PROS1: variants seen among roughly 807,000 people sequenced by gnomAD.
PROS1 encodes the protein protein S.
PROS1 carries 29 observed loss-of-function variants against 75.9 expected under a neutral mutation model. The observed-to-expected ratio is 0.38, with a 90% CI of 0.28 to 0.52. The LOEUF (loss-of-function observed/expected upper bound fraction) is 0.52, where lower values mean the gene tolerates loss of function less well. Among genes scored for constraint, PROS1 ranks in the 20% least tolerant of loss-of-function variants. PROS1 has a pLI of 0.83. For missense variants in PROS1, 680 were observed against 810.3 expected (o/e 0.84, Z 1.95); for synonymous variants, 245 against 280.6 (o/e 0.87, Z 1.27).
intron 2 of PROS1, among the ~76,000 whole-genome samples, chr3:93,926,357 C>A (rs957649339): frequency 3.3e-5 from 5 of 152,114 alleles, no homozygotes. Flanking sequence ...GTGGGCCGGG[C>A]GCAGTGGCTC....
At chr3:93,883,048 TGA>T (rs1339076749) in intron 12 of PROS1, among the ~76,000 whole-genome samples, 2 of 152,126 alleles carry the variant, frequency 1.3e-5, no homozygotes, top group Non-Finnish European at 2.9e-5. Flanking sequence ...CCCCTACTGA[TGA>T]GAGTCAGGGA....
At chr3:93,946,998 G>T (rs1709412858) in intron 1 of PROS1, among the ~76,000 whole-genome samples, 1 of 152,160 alleles carries the variant, frequency 6.6e-6, no homozygotes, top group Non-Finnish European at 1.5e-5. Flanking sequence ...CTATCAAAAA[G>T]TGGGCAAAGG....
intron 11 of PROS1, 101 bp downstream of exon 11, chr3:93,886,234 TA>T (rs1708344462): frequency 2.7e-6 from 3 of 1,116,334 alleles, no homozygotes; most frequent in Middle Eastern, 2.1e-4. Flanking sequence ...TTAGTATGCT[TA>T]ACAAAACAAC....
intron 4 of PROS1, among the ~76,000 whole-genome samples, chr3:93,906,487 G>A (rs183277479): frequency 7.9e-5 from 12 of 152,280 alleles, no homozygotes; most frequent in Middle Eastern, 3.4e-3. Context: ...TCGTGGCTCC[G>A]GACCCGGGTG....
rs188982718 is a variant in PROS1 at position 93,939,548 on chromosome 3, C to G, written c.77-12141G>C. Among the ~76,000 whole-genome samples the G allele has an allele frequency of 2.0e-5, 3 of 152,290 alleles. No individual in the cohort carries two copies. In the East Asian group the frequency reaches 5.8e-4, roughly 29 times the overall value. On this transcript the variant is annotated intron_variant, in intron 1 of 14. Coordinates refer to ENST00000394236, the MANE Select transcript of PROS1 (RefSeq NM_000313.4). ...CCTTCCTTACACCTGCTCTGGCTTA[C>G]AGTTTCATTCTGAGACTAGCCCTCC...
At chr3:93,893,556 TTTTTGC>T (rs953240365) in intron 9 of PROS1, among the ~76,000 whole-genome samples, 5 of 152,296 alleles carry the variant, frequency 3.3e-5, no homozygotes, top group African/African-American at 1.2e-4. Context: ...TTTGTTTTTG[TTTTTGC>T]TGTATCCATA....
intron 9 of PROS1, among the ~76,000 whole-genome samples, chr3:93,895,741 G>A (rs1708493353): frequency 6.6e-6 from 1 of 152,056 alleles, no homozygotes; most frequent in Admixed American, 6.6e-5. Context: ...CACCTGAGGT[G>A]ATCACCTGAG....
intron 10 of PROS1, among the ~76,000 whole-genome samples, chr3:93,890,255 T>C (rs1465397764): frequency 6.6e-6 from 1 of 152,210 alleles, no homozygotes; most frequent in Non-Finnish European, 1.5e-5. Flanking sequence ...TTCTGTTGTT[T>C]AAGATGTTTA....
intron 12 of PROS1, among the ~76,000 whole-genome samples, chr3:93,881,692 TG>T (rs1218280202): frequency 6.6e-6 from 1 of 151,800 alleles, no homozygotes; most frequent in Non-Finnish European, 1.5e-5. Flanking sequence ...CCTGAGTAGC[TG>T]GGACTACAGG....
chr3:93,928,714 A>G, intron 1 of PROS1: 1 of 1,274,022 alleles, frequency 7.8e-7, no homozygotes. Flanking sequence ...CATATAGAAT[A>G]GAAAAAATTG....
Position 93,874,234 on chromosome 3 carries a change from G to T in PROS1, c.*11C>A, listed in dbSNP as rs556217785. On this transcript the variant is annotated 3_prime_UTR_variant, in exon 15 of 15. Coordinates refer to ENST00000394236, the MANE Select transcript of PROS1 (RefSeq NM_000313.4). ...ACAAGGAAAAGGTATTATAAGCAGA[G>T]AAAAGATGCCTTAAGAATTCTTTGT... The T allele has an allele frequency of 1.2e-5, 20 of 1,613,102 alleles. No homozygotes were observed. The African/African-American group carries it at 2.4e-4, about 19-fold the overall frequency.
intron 1 of PROS1, among the ~76,000 whole-genome samples, chr3:93,945,375 C>T (rs1487036083): frequency 6.6e-6 from 1 of 152,164 alleles, no homozygotes; most frequent in Non-Finnish European, 1.5e-5. Context: ...AATTGTAGAC[C>T]AATATCCCTG....
rs542231688 is a variant in PROS1, at chr3:93,953,246, T to C, written c.76+20428A>G. On this transcript the variant is annotated intron_variant, in intron 1 of 14. Coordinates refer to ENST00000394236, the MANE Select transcript of PROS1 (RefSeq NM_000313.4). ...TTTTATGAGGCCAGCATCATCCTGA[T>C]ACCAAAGCCTGGCAGAGACACAACA... 2.6e-4 allele frequency among the ~76,000 whole-genome samples: 40 copies of C among 152,288 alleles called. No homozygotes were observed. The Middle Eastern group carries it at 0.024, about 91-fold the overall frequency.
At chr3:93,910,988 C>A in intron 3 of PROS1, 1 of 387,296 alleles carries the variant, frequency 2.6e-6, no homozygotes, top group Non-Finnish European at 4.8e-6. Context: ...CTTGATTTAG[C>A]ATAGAAATTT....
intron 1 of PROS1, among the ~76,000 whole-genome samples, chr3:93,939,523 C>T (rs1709246868): frequency 6.6e-6 from 1 of 152,122 alleles, no homozygotes; most frequent in Non-Finnish European, 1.5e-5. Flanking sequence ...CTATCACCTC[C>T]CTTCCTTACA....
intron 8 of PROS1, 139 bp from the exon 9 acceptor site, chr3:93,896,830 T>G: frequency 1.5e-6 from 1 of 653,572 alleles, no homozygotes; most frequent in Non-Finnish European, 2.8e-6. Flanking sequence ...AGAATATTTT[T>G]GGTAATAATA....
At position 93,973,884 on chromosome 3, in the gene PROS1, G is replaced by A. The variant is rs750502941; in HGVS notation, c.-135C>T. On this transcript the variant is annotated 5_prime_UTR_variant, in exon 1 of 15. Transcript: ENST00000394236. ...CGCGGCGGCGCCAGCGACCCAGCGA[G>A]CCTCGGCGGAACAGCCGGGGGCGGA... 222 of 628,236 alleles carry A rather than the reference G, an allele frequency of 3.5e-4. 1 individual carries two copies. The highest frequency in any genetic ancestry group is 4.7e-4 in the Middle Eastern group (1 of 2,106). The allele number at this position is 628,236 out of a possible 1,614,324, so 38.9% of individuals were successfully genotyped here.
At chr3:93,888,142 G>T (rs1708378058) in intron 10 of PROS1, among the ~76,000 whole-genome samples, 1 of 152,132 alleles carries the variant, frequency 6.6e-6, no homozygotes, top group Admixed American at 6.5e-5. Flanking sequence ...CATTTTTCAA[G>T]AATGTAATAA....
rs1227089110 is a variant in PROS1, at chr3:93,906,066, T to C, written c.424A>G (p.Thr142Ala). The change falls in exon 5 of 15, where the codon ACT (threonine) becomes GCT (alanine). Residue 142 changes from threonine (T) to alanine (A), a missense_variant. By Grantham distance (58) the Thr-to-Ala change is moderately conservative. Coordinates refer to ENST00000394236, the MANE Select transcript of PROS1 (RefSeq NM_000313.4). ...TGCCAACCTGGTTTACAAGTGCAAG[T>C]AAAAGAAGCTTTTCCATCTTTGCAG... Reference protein sequence around the residue: ...MSCKDGKASFTCTCKPGWQGE... With the variant: ...MSCKDGKASFACTCKPGWQGE... The C allele has an allele frequency of 6.2e-7, 1 of 1,614,006 alleles. No individual in the cohort carries two copies. The highest frequency in any genetic ancestry group is 1.7e-5 in the Admixed American group (1 of 59,998).
Sources: gnomAD v4.1 joint callset for allele counts (sites outside exome capture counted in the v4.1 genomes callset) on GRCh38, gnomAD v4.1.1 for gene constraint, MANE v1.5 for transcripts, NCBI Gene and HGNC (gene_info 2026-07-23, HGNC 2026-07-21) for gene names.